Variants in BEAN1 observed in about 807,000 individuals in gnomAD.
BEAN1 encodes the protein protein BEAN1.
BEAN1 carries 17 observed loss-of-function variants against 17.7 expected under a neutral mutation model. That is an observed-to-expected ratio of 0.96 (90% CI 0.66 to 1.44). BEAN1 has a LOEUF of 1.44. Among genes scored for constraint, BEAN1 ranks in the 40% most tolerant of loss-of-function variants. The probability of loss-of-function intolerance (pLI) is 0.00; values close to 1 mark genes in which losing one functional copy is unlikely to be tolerated. For synonymous variants in BEAN1, 142 were observed against 151.8 expected, an observed-to-expected ratio of 0.94 and a Z score of 0.47; for missense variants, 359 against 374.1, an observed-to-expected ratio of 0.96 and a Z score of 0.33.
intron 1 of BEAN1, among the ~76,000 whole-genome samples, chr16:66,435,412 A>G (rs1470466342): frequency 1.3e-5 from 2 of 152,338 alleles, no homozygotes; most frequent in East Asian, 3.9e-4. Flanking sequence ...GGTGAATGTG[A>G]GCCACAGCTG....
At chr16:66,485,034 T>C, downstream of BEAN1, 1 of 454,030 alleles carries the variant, frequency 2.2e-6, no homozygotes, top group Admixed American at 2.3e-5. Context: ...AGGTCCCAGG[T>C]CTCTGCAAAG....
chr16:66,492,476 G>A (rs1964188854), intron 4 of BEAN1, among the ~76,000 whole-genome samples: 1 of 151,978 alleles, frequency 6.6e-6, no homozygotes, highest in African/African-American at 2.4e-5. Context: ...GTCTCGCTGT[G>A]TGGCCCAGGC....
chr16:66,476,208 T>C (rs1387455761), intron 3 of BEAN1: 1 of 152,080 alleles, frequency 6.6e-6, no homozygotes, highest in Non-Finnish European at 1.5e-5. Context: ...GTTTGGAATA[T>C]TTTCTTCTGA....
In BEAN1 at chr16:66,440,376, CTG is replaced by C. The variant is rs372061525; in HGVS notation, c.25+2676_25+2677del. ...GAACTCCTGACTTCAGGTGATCTGC[CTG>C]CGTTGGCCTCCCAAAGAGCTGGGAT... is the stretch of plus-strand genomic sequence containing the variant. On this transcript the variant is annotated intron_variant, in intron 2 of 4. Transcript: ENST00000536005. Among the ~76,000 whole-genome samples, 494 of 152,274 alleles carry C rather than the reference CTG, an allele frequency of 3.2e-3. 1 individual carries two copies. The highest frequency in any genetic ancestry group is 0.012 in the African/African-American group (479 of 41,564).
intron 4 of BEAN1, chr16:66,479,132 C>T (rs1326483578): frequency 6.6e-6 from 1 of 152,142 alleles, no homozygotes; most frequent in African/African-American, 2.4e-5. Context: ...CTGGGTTTTC[C>T]TGGGAAGGAA....
chr16:66,430,823 G>T (rs1003135791), intron 1 of BEAN1, among the ~76,000 whole-genome samples: 1 of 152,108 alleles, frequency 6.6e-6, no homozygotes, highest in African/African-American at 2.4e-5. Flanking sequence ...TGACTGTTTT[G>T]TTCACTATAT....
chr16:66,467,282 T>G (rs1273498060), intron 2 of BEAN1, among the ~76,000 whole-genome samples: 1 of 152,204 alleles, frequency 6.6e-6, no homozygotes, highest in Non-Finnish European at 1.5e-5. Flanking sequence ...CTCACATTGC[T>G]ATGAAGAAAT....
chr16:66,436,725 G>A (rs1048888910), intron 1 of BEAN1, among the ~76,000 whole-genome samples: 5 of 151,990 alleles, frequency 3.3e-5, no homozygotes, highest in Non-Finnish European at 5.9e-5. Flanking sequence ...ACAGGTGTGA[G>A]CCATTGCACC....
At chr16:66,475,445 A>G (rs1370597616) in intron 3 of BEAN1, among the ~76,000 whole-genome samples, 1 of 152,144 alleles carries the variant, frequency 6.6e-6, no homozygotes. Context: ...AGCAGCCCTG[A>G]CTTTCCCCAG....
At chr16:66,468,126 C>T (rs542611485) in intron 2 of BEAN1, among the ~76,000 whole-genome samples, 5 of 152,352 alleles carry the variant, frequency 3.3e-5, no homozygotes, top group African/African-American at 1.2e-4. Context: ...TTGATTACCA[C>T]CCAAGACAGA....
intron 3 of BEAN1, among the ~76,000 whole-genome samples, chr16:66,470,903 C>T (rs1445443570): frequency 6.6e-6 from 1 of 152,212 alleles, no homozygotes; most frequent in Non-Finnish European, 1.5e-5. Context: ...CTTCAGGGGC[C>T]TCTGCCTAGG....
At chr16:66,447,158 T>C (rs1285118066) in intron 2 of BEAN1, among the ~76,000 whole-genome samples, 1 of 152,146 alleles carries the variant, frequency 6.6e-6, no homozygotes, top group African/African-American at 2.4e-5. Context: ...TAGACCCAGC[T>C]ACCCGGGAGG....
At chr16:66,474,743 G>GAGAA (rs199517876) in intron 3 of BEAN1, among the ~76,000 whole-genome samples, 103 of 151,704 alleles carry the variant, frequency 6.8e-4, no homozygotes, top group South Asian at 2.3e-3. Flanking sequence ...AGAAAGGAAA[G>GAGAA]AGAAAGAAAG....
At chr16:66,479,396 C>A (rs1251530653) in intron 4 of BEAN1, among the ~76,000 whole-genome samples, 1 of 152,110 alleles carries the variant, frequency 6.6e-6, no homozygotes, top group Admixed American at 6.5e-5. Context: ...CGAGGGGATG[C>A]CCCAGCTGCA....
intron 3 of BEAN1, among the ~76,000 whole-genome samples, chr16:66,474,786 A>G (rs1219234522): frequency 1.3e-5 from 2 of 152,176 alleles, no homozygotes; most frequent in Non-Finnish European, 2.9e-5. Flanking sequence ...AGAGAAGGAA[A>G]GAAAAGAAAA....
At chr16:66,464,104 G>A (rs928296509) in intron 2 of BEAN1, among the ~76,000 whole-genome samples, 1 of 152,142 alleles carries the variant, frequency 6.6e-6, no homozygotes, top group East Asian at 1.9e-4. Context: ...TTTTAGCTAC[G>A]TTTGGTCCTT....
chr16:66,491,583 G>T (rs183438731), intron 4 of BEAN1, among the ~76,000 whole-genome samples: 1 of 152,216 alleles, frequency 6.6e-6, no homozygotes, highest in East Asian at 1.9e-4. Flanking sequence ...CGAGACCAGC[G>T]GTCCCCAACC....
chr16:66,453,513 C>T (rs1449825586), intron 2 of BEAN1, among the ~76,000 whole-genome samples: 38 of 151,962 alleles, frequency 2.5e-4, no homozygotes, highest in Admixed American at 2.5e-3. Context: ...CATGCACCAC[C>T]ATACCCGGCT....
intron 4 of BEAN1, among the ~76,000 whole-genome samples, chr16:66,489,223 AC>A (rs1281699626): frequency 6.6e-6 from 1 of 152,174 alleles, no homozygotes; most frequent in Non-Finnish European, 1.5e-5. Context: ...CTTCTTTTAA[AC>A]CACTAAACCC....
Sources: gnomAD v4.1 joint callset for allele counts (sites outside exome capture counted in the v4.1 genomes callset) on GRCh38, gnomAD v4.1.1 for gene constraint, MANE v1.5 for transcripts, NCBI Gene and HGNC (gene_info 2026-07-23, HGNC 2026-07-21) for gene names.